The following NRXN1 variants were observed in gnomAD, a reference collection of about 807,000 sequenced individuals.
The protein encoded by NRXN1 is neurexin 1, also known as neurexin-1.
Under a neutral mutation model 150.9 loss-of-function variants are expected in NRXN1, and 39 were observed. The ratio of observed to expected loss-of-function variants is 0.26; its 90% CI spans 0.20 to 0.34. NRXN1 has a LOEUF of 0.34. NRXN1 is among the 10% of genes least tolerant of loss of function. NRXN1 has a pLI of 1.00. For missense variants in NRXN1, 1,815 were observed against 1,949.9 expected, an observed-to-expected ratio of 0.93 and a Z score of 1.30; for synonymous variants, 924 against 757.0, an observed-to-expected ratio of 1.22 and a Z score of -3.62.
chr2:50,186,169 T>C (rs2061057504), intron 18 of NRXN1, among the ~76,000 whole-genome samples: 1 of 152,100 alleles, frequency 6.6e-6, no homozygotes, highest in Non-Finnish European at 1.5e-5. Flanking sequence ...ATGGCTCTTG[T>C]GGCCATAACT....
chr2:50,375,256 C>T (rs975550860), intron 17 of NRXN1, among the ~76,000 whole-genome samples: 1 of 151,844 alleles, frequency 6.6e-6, no homozygotes, highest in African/African-American at 2.4e-5. Flanking sequence ...GCTTAGCTTA[C>T]TGGGTTTATA....
At chr2:50,628,943 C>T (rs974002151) in intron 5 of NRXN1, among the ~76,000 whole-genome samples, 1 of 151,530 alleles carries the variant, frequency 6.6e-6, no homozygotes, top group Non-Finnish European at 1.5e-5. Flanking sequence ...AATGAAATAA[C>T]AGCACACTCC....
chr2:50,598,580 A>G (rs867253395), intron 8 of NRXN1, among the ~76,000 whole-genome samples: 20 of 145,758 alleles, frequency 1.4e-4, no homozygotes, highest in South Asian at 4.2e-4. Context: ...GTGTGTGTGT[A>G]TATATATGTA....
intron 12 of NRXN1, among the ~76,000 whole-genome samples, chr2:50,509,796 A>G (rs572209046): frequency 6.6e-6 from 1 of 152,256 alleles, no homozygotes; most frequent in East Asian, 1.9e-4. Flanking sequence ...CCCTGCATCA[A>G]TGTATTACAG....
chr2:50,021,381 T>G (rs768250), intron 21 of NRXN1, among the ~76,000 whole-genome samples: 103,818 of 152,012 alleles, frequency 0.68, 35,667 homozygotes, highest in Middle Eastern at 0.75. Context: ...TGGAAACTTC[T>G]TTTGGTTGGA....
chr2:50,432,371 C>G (rs2085044358), intron 17 of NRXN1: 1 of 152,220 alleles, frequency 6.6e-6, no homozygotes, highest in Non-Finnish European at 1.5e-5. Context: ...GAAATACTGT[C>G]TAACCCATCT....
chr2:50,818,339 C>T (rs1425967341), intron 5 of NRXN1, among the ~76,000 whole-genome samples: 1 of 151,764 alleles, frequency 6.6e-6, no homozygotes, highest in African/African-American at 2.4e-5. Flanking sequence ...TTATCTGTGT[C>T]TTATTTAATC....
At chr2:50,980,315 A>G (rs1696583914) in intron 2 of NRXN1, among the ~76,000 whole-genome samples, 1 of 152,128 alleles carries the variant, frequency 6.6e-6, no homozygotes, top group Admixed American at 6.6e-5. Flanking sequence ...GGTAATTAAT[A>G]TATTAATAGT....
intron 2 of NRXN1, among the ~76,000 whole-genome samples, chr2:50,955,680 A>G (rs930456379): frequency 2.0e-5 from 3 of 152,194 alleles, no homozygotes; most frequent in Non-Finnish European, 4.4e-5. Context: ...GCAAGTTGAG[A>G]TTGAAAGCAA....
At chr2:50,464,476 A>C (rs1264870524) in intron 17 of NRXN1, 1 of 151,916 alleles carries the variant, frequency 6.6e-6, no homozygotes, top group Non-Finnish European at 1.5e-5. Flanking sequence ...ACATGAATAC[A>C]GTCTCAAATA....
At chr2:50,840,194 G>A (rs557858424) in intron 5 of NRXN1, among the ~76,000 whole-genome samples, 19 of 152,190 alleles carry the variant, frequency 1.2e-4, no homozygotes, top group African/African-American at 4.3e-4. Flanking sequence ...TTAAATGAAT[G>A]AGTTTTTAAA....
At chr2:49,993,067 C>T (rs947224123) in intron 21 of NRXN1, among the ~76,000 whole-genome samples, 2 of 152,154 alleles carry the variant, frequency 1.3e-5, no homozygotes, top group Admixed American at 1.3e-4. Context: ...GGTATTTACT[C>T]CCAAAAGTTG....
intron 18 of NRXN1, among the ~76,000 whole-genome samples, chr2:50,183,526 TA>T (rs910763946): frequency 4.6e-5 from 7 of 151,740 alleles, no homozygotes; most frequent in African/African-American, 1.4e-4. Context: ...ACTGTGTTTG[TA>T]AAAAAAATAT....
intron 2 of NRXN1, among the ~76,000 whole-genome samples, chr2:50,947,916 T>C (rs1690664643): frequency 6.6e-6 from 1 of 151,984 alleles, no homozygotes; most frequent in Non-Finnish European, 1.5e-5. Context: ...AGCCACAAAA[T>C]ATTGGTTTCA....
At position 50,349,574 on chromosome 2, in the gene NRXN1, T is replaced by A. The variant is rs2078268682; in HGVS notation, c.3365-112604A>T. Among the ~76,000 whole-genome samples, 6 of 152,174 alleles carry A rather than the reference T, an allele frequency of 3.9e-5. No individual in the cohort carries two copies. The South Asian group carries it at 1.2e-3, about 32-fold the overall frequency. Reference sequence around the variant, plus strand: ...CCGTACTGCATTTTTGATGCCACCATTTACTGGTTACATCACATTAGTTAC... The same window carrying A: ...CCGTACTGCATTTTTGATGCCACCAATTACTGGTTACATCACATTAGTTAC... On this transcript the variant is annotated intron_variant, in intron 17 of 22. Coordinates refer to ENST00000401669, the MANE Select transcript of NRXN1 (RefSeq NM_001330078.2).
intron 18 of NRXN1, among the ~76,000 whole-genome samples, chr2:50,110,038 C>G (rs72878120): frequency 0.017 from 2,616 of 151,896 alleles, 78 homozygotes; most frequent in African/African-American, 0.06. Context: ...TAAGAGGAAA[C>G]TTTATTATGC....
At chr2:50,840,934 C>G (rs1435323550) in intron 5 of NRXN1, 2 of 152,266 alleles carry the variant, frequency 1.3e-5, no homozygotes, top group Non-Finnish European at 2.9e-5. Flanking sequence ...TCCCTCAACC[C>G]CCATTTCAGT....
intron 19 of NRXN1, among the ~76,000 whole-genome samples, chr2:50,086,600 T>C (rs971170192): frequency 6.6e-6 from 1 of 152,208 alleles, no homozygotes; most frequent in African/African-American, 2.4e-5. Flanking sequence ...TGAAAGTTAA[T>C]ACATTTTATC....
chr2:50,816,662 G>A (rs1668983975), intron 5 of NRXN1, among the ~76,000 whole-genome samples: 4 of 152,130 alleles, frequency 2.6e-5, no homozygotes, highest in African/African-American at 9.7e-5. Context: ...TCTGCTAAAA[G>A]AGAAAGCCTC....
Sources: gnomAD v4.1 joint callset for allele counts (sites outside exome capture counted in the v4.1 genomes callset) on GRCh38, gnomAD v4.1.1 for gene constraint, MANE v1.5 for transcripts, NCBI Gene and HGNC (gene_info 2026-07-23, HGNC 2026-07-21) for gene names.